TMEM14A: variants seen among roughly 807,000 people sequenced by gnomAD.
TMEM14A encodes transmembrane protein 14A.
A neutral mutation model predicts 11.6 loss-of-function variants in TMEM14A; 8 were observed. The observed-to-expected ratio is 0.69, with a 90% CI of 0.40 to 1.24. The LOEUF (loss-of-function observed/expected upper bound fraction) is 1.24. Ranked by LOEUF, TMEM14A falls within the 50% of genes most tolerant of loss-of-function variation. The pLI is 0.01. For synonymous variants in TMEM14A, 34 were observed against 45.5 expected (o/e 0.75, Z 1.02); for missense variants, 108 against 121.9 (o/e 0.89, Z 0.54).
chr6:52,686,238 G>A lies in TMEM14A; in HGVS notation c.*189G>A. ...CAAAAATTTTAACTGTTTTCTAATT[G>A]TCAAGCACTATTTTCATTAAAAGTG... On this transcript the variant is annotated 3_prime_UTR_variant, in exon 5 of 5. Coordinates refer to ENST00000211314, the MANE Select transcript of TMEM14A (RefSeq NM_014051.4). 2.1e-6 allele frequency: 1 copy of A among 466,340 alleles called. No homozygotes were observed. Among genetic ancestry groups the A allele is most frequent in the Non-Finnish European group, 3.8e-6 (1 of 266,428 alleles). The allele number at this position is 466,340 out of a possible 1,614,324, so 28.9% of individuals were successfully genotyped here. A position where few individuals can be genotyped will look rare whatever the true frequency, so the allele number is the denominator to read the frequency against.
At chr6:52,684,378 A>G (rs752071032) in intron 4 of TMEM14A, among the ~76,000 whole-genome samples, 1 of 152,222 alleles carries the variant, frequency 6.6e-6, no homozygotes, top group Non-Finnish European at 1.5e-5. Context: ...TTGCTGTAGT[A>G]TCTGGTCACA....
At position 52,686,147 on chromosome 6, in the gene TMEM14A, C is replaced by G; in HGVS notation, c.*98C>G. On this transcript the variant is annotated 3_prime_UTR_variant, in exon 5 of 5. Transcript: ENST00000211314. Reference sequence around the variant, plus strand: ...AAAAGATAAACTTCAATATGGAATGCTAGAAACACAAATAGCACTGTCACC... The same window carrying G: ...AAAAGATAAACTTCAATATGGAATGGTAGAAACACAAATAGCACTGTCACC... The G allele has an allele frequency of 2.5e-6, 3 of 1,216,566 alleles. No homozygotes were observed. The highest frequency in any genetic ancestry group is 3.4e-6 in the Non-Finnish European group (3 of 872,184). 75.4% of individuals were successfully genotyped at this position (1,216,566 alleles called of 1,614,324 possible).
At chr6:52,682,551 GA>G (rs1204856194) in intron 3 of TMEM14A, among the ~76,000 whole-genome samples, 1 of 149,908 alleles carries the variant, frequency 6.7e-6, no homozygotes, top group African/African-American at 2.4e-5. Flanking sequence ...AAATATAAAT[GA>G]AGACAAAATT....
chr6:52,674,542 G>A (rs557626731), intron 1 of TMEM14A, among the ~76,000 whole-genome samples: 1 of 152,132 alleles, frequency 6.6e-6, no homozygotes, highest in South Asian at 2.1e-4. Context: ...ATGATTACAT[G>A]AGTTGATACA....
chr6:52,679,039 C>T (rs115469687), intron 2 of TMEM14A, among the ~76,000 whole-genome samples: 10 of 152,188 alleles, frequency 6.6e-5, no homozygotes, highest in Admixed American at 2.6e-4. Context: ...AATCTTGGGT[C>T]GGTGAAAGAT....
At chr6:52,680,684 CATATATGTATATAT>C (rs1769365841) in intron 2 of TMEM14A, among the ~76,000 whole-genome samples, 1 of 38,706 alleles carries the variant, frequency 2.6e-5, no homozygotes, top group Non-Finnish European at 5.7e-5. Context: ...TATATATATA[CATATATGTATATAT>C]ATATATACAC....
chr6:52,684,367 G>A (rs1769453529), intron 4 of TMEM14A, among the ~76,000 whole-genome samples: 1 of 152,174 alleles, frequency 6.6e-6, no homozygotes, highest in Admixed American at 6.5e-5. Flanking sequence ...TACGCATAGT[G>A]TTGCTGTAGT....
chr6:52,673,920 G>A (rs1769208622), intron 1 of TMEM14A, among the ~76,000 whole-genome samples: 1 of 152,208 alleles, frequency 6.6e-6, no homozygotes, highest in Non-Finnish European at 1.5e-5. Flanking sequence ...CACATGTCAA[G>A]CTTAAAATAG....
At chr6:52,683,474 CAACAACAACA>C (rs1769429413) in intron 3 of TMEM14A, among the ~76,000 whole-genome samples, 1 of 90,530 alleles carries the variant, frequency 1.1e-5, no homozygotes, top group Non-Finnish European at 2.2e-5. Context: ...ACAACAACAA[CAACAACAACA>C]AAAAAAAAAA....
chr6:52,672,461 G>A (rs578162238), intron 1 of TMEM14A, among the ~76,000 whole-genome samples: 1,970 of 152,182 alleles, frequency 0.013, 46 homozygotes, highest in African/African-American at 0.044. Flanking sequence ...CTGTATGTAA[G>A]GGTGTTTTCC....
chr6:52,676,948 C>T (rs909384985), intron 1 of TMEM14A, 139 bp from the exon 2 acceptor site: 1 of 768,352 alleles, frequency 1.3e-6, no homozygotes. Flanking sequence ...GGCCCCACCT[C>T]CAACACTCAG....
intron 4 of TMEM14A, among the ~76,000 whole-genome samples, chr6:52,684,713 T>C (rs1026568651): frequency 2.6e-5 from 4 of 152,258 alleles, no homozygotes; most frequent in African/African-American, 7.2e-5. Context: ...GATAACATTT[T>C]AAAAATTTCT....
rs1228808193 is a variant in TMEM14A, at chr6:52,686,582, G to C, written c.*533G>C. ...CAGTATTCAAATAAAAGACATTTTG[G>C]TTCAAACCTGTTTCTTTCATGTCAG... On this transcript the variant is annotated 3_prime_UTR_variant, in exon 5 of 5. Coordinates refer to ENST00000211314, the MANE Select transcript of TMEM14A (RefSeq NM_014051.4). 1 of 360,432 alleles carries C rather than the reference G, an allele frequency of 2.8e-6. No homozygotes were observed. Among genetic ancestry groups the C allele is most frequent in the African/African-American group, 2.1e-5 (1 of 47,912 alleles). The allele number at this position is 360,432 out of a possible 1,614,324, so 22.3% of individuals were successfully genotyped here.
intron 2 of TMEM14A, among the ~76,000 whole-genome samples, chr6:52,680,332 G>T (rs893147384): frequency 1.3e-5 from 2 of 151,720 alleles, no homozygotes; most frequent in African/African-American, 2.4e-5. Context: ...GGAACAGTAT[G>T]TCTGAAAGCC....
intron 1 of TMEM14A, among the ~76,000 whole-genome samples, chr6:52,673,347 T>C (rs1211268532): frequency 2.5e-5 from 2 of 79,630 alleles, no homozygotes; most frequent in Non-Finnish European, 6.4e-5. Flanking sequence ...AGGCCTTGAA[T>C]TTTGAGTTAA....
At chr6:52,680,669 G>GTGTGTGTATATATA (rs1769360469) in intron 2 of TMEM14A, among the ~76,000 whole-genome samples, 5 of 35,968 alleles carry the variant, frequency 1.4e-4, no homozygotes, top group Non-Finnish European at 2.4e-4. Flanking sequence ...ATATATATGT[G>GTGTGTGTATATATA]TATATATATA....
At chr6:52,673,045 C>G (rs1769190845) in intron 1 of TMEM14A, among the ~76,000 whole-genome samples, 1 of 152,206 alleles carries the variant, frequency 6.6e-6, no homozygotes. Context: ...ATTTTGAGAA[C>G]ATGCTTTCTT....
intron 2 of TMEM14A, among the ~76,000 whole-genome samples, chr6:52,678,317 G>A (rs988338186): frequency 6.3e-5 from 2 of 31,730 alleles, no homozygotes; most frequent in Admixed American, 4.9e-4. Flanking sequence ...GAGAGTGTGT[G>A]TATGTGTGTG....
intron 2 of TMEM14A, among the ~76,000 whole-genome samples, chr6:52,681,466 A>C (rs757674807): frequency 5.3e-5 from 8 of 152,230 alleles, no homozygotes; most frequent in Non-Finnish European, 1.0e-4. Flanking sequence ...GAGAATAGGA[A>C]AAATTAAAAA....
Sources: gnomAD v4.1 joint callset for allele counts (sites outside exome capture counted in the v4.1 genomes callset) on GRCh38, gnomAD v4.1.1 for gene constraint, MANE v1.5 for transcripts, NCBI Gene and HGNC (gene_info 2026-07-23, HGNC 2026-07-21) for gene names.